Variants in BLM observed in about 807,000 individuals in gnomAD.
BLM encodes the protein BLM RecQ like helicase.
A neutral mutation model predicts 135.3 loss-of-function variants in BLM; 95 were observed. The ratio of observed to expected loss-of-function variants is 0.70; its 90% CI spans 0.59 to 0.83. The LOEUF (loss-of-function observed/expected upper bound fraction) is 0.83, where lower values mean the gene tolerates loss of function less well. Among genes scored for constraint, BLM ranks in the 40% least tolerant of loss-of-function variants. The probability of loss-of-function intolerance (pLI) is 0.00; values close to 1 mark genes in which losing one functional copy is unlikely to be tolerated. For synonymous variants in BLM, 520 were observed against 589.2 expected (o/e 0.88, Z 1.70); for missense variants, 1,518 against 1,663.9 (o/e 0.91, Z 1.53).
At position 90,804,276 on chromosome 15, in the gene BLM, C is replaced by T. The variant is rs772506214; in HGVS notation, c.3668C>T (p.Thr1223Ile). ...GTTAAAAAATGTCTTGGAGAACTTACAGAAGTCTGCAAATCTCTGGGGAAA... is the reference window on the plus strand; with the variant it reads ...GTTAAAAAATGTCTTGGAGAACTTATAGAAGTCTGCAAATCTCTGGGGAAA... The part of the protein sequence containing the change: ...EMVKKCLGEL[T>I]EVCKSLGKVF... The change falls in exon 19 of 22, where the codon ACA becomes ATA. Residue 1223 changes from threonine (T) to isoleucine (I), a missense_variant. By Grantham distance (89) the Thr-to-Ile change is moderately conservative (BLOSUM62 -1). Coordinates refer to ENST00000355112, the MANE Select transcript of BLM (RefSeq NM_000057.4). The T allele has an allele frequency of 6.2e-7, 1 of 1,614,064 alleles. No homozygotes were observed. The highest frequency in any genetic ancestry group is 8.5e-7 in the Non-Finnish European group (1 of 1,179,922).
At chr15:90,735,235 TAA>T (rs1491170534) in intron 1 of BLM, among the ~76,000 whole-genome samples, 11 of 56,346 alleles carry the variant, frequency 2.0e-4, no homozygotes, top group African/African-American at 3.3e-4. Flanking sequence ...GTGCCTAAGT[TAA>T]TATATATATA....
At chr15:90,725,667 A>ATTT (rs71154128) in intron 1 of BLM, among the ~76,000 whole-genome samples, 1 of 141,508 alleles carries the variant, frequency 7.1e-6, no homozygotes. Context: ...TGCCCGGCTA[A>ATTT]TTTTTTTTTT....
intron 16 of BLM, among the ~76,000 whole-genome samples, chr15:90,794,767 G>T (rs1252820710): frequency 2.0e-5 from 3 of 148,046 alleles, no homozygotes; most frequent in East Asian, 3.9e-4. Flanking sequence ...TATTAAAATT[G>T]ACGTATTAAT....
rs781396294 is a variant in BLM, at chr15:90,809,145, T to G, written c.3760T>G (p.Ser1254Ala). 12 of 1,614,210 alleles carry G rather than the reference T, an allele frequency of 7.4e-6. No individual in the cohort carries two copies. The highest frequency in any genetic ancestry group is 1.0e-5 in the Non-Finnish European group (12 of 1,180,002). Residue 1254 changes from serine (S) to alanine (A), a missense_variant, in exon 20 of 22, where the codon TCT becomes GCT. Ser to Ala is a moderately conservative substitution (Grantham distance 99, BLOSUM62 1). This residue lies in a region of BLM where 626 missense variants were observed against 681.1 expected (regional missense o/e 0.92). Transcript: ENST00000355112. ...VTLKKLAESLSSDPEVLLQID... is the reference protein window; with the variant it reads ...VTLKKLAESLASDPEVLLQID... Reference sequence around the variant, plus strand: ...TTTATGCCTTTGCACAGAATCTTTATCTTCTGATCCTGAGGTTTTGCTTCA... The same window carrying G: ...TTTATGCCTTTGCACAGAATCTTTAGCTTCTGATCCTGAGGTTTTGCTTCA...
rs113326717 is a variant in BLM at position 90,744,928 on chromosome 15, T to C, written c.-4-2461T>C. Among the ~76,000 whole-genome samples, 735 of 151,722 alleles carry C rather than the reference T, an allele frequency of 4.8e-3. 7 individuals carry two copies. The highest frequency in any genetic ancestry group is 0.017 in the African/African-American group (711 of 41,354). On this transcript the variant is annotated intron_variant, in intron 1 of 21. Transcript: ENST00000355112. ...TTAGTGGGGCATGGTGGTGTGCACC[T>C]GTGGTCCAGCTGTGTGGGAGGGTGA...
chr15:90,804,684 C>T (rs1897248611), intron 19 of BLM, among the ~76,000 whole-genome samples: 1 of 152,080 alleles, frequency 6.6e-6, no homozygotes, highest in Non-Finnish European at 1.5e-5. Flanking sequence ...AGTCTGGTCT[C>T]GAACTCTTGG....
chr15:90,744,578 G>A (rs148933496), intron 1 of BLM, among the ~76,000 whole-genome samples: 2,353 of 151,898 alleles, frequency 0.015, 62 homozygotes, highest in African/African-American at 0.053. Context: ...CACCATATTG[G>A]CCAGGTTGGT....
Position 90,811,264 on chromosome 15 carries a change from G to A in BLM, c.3934G>A (p.Ala1312Thr), listed in dbSNP as rs527291754. The A allele has an allele frequency of 1.1e-5, 18 of 1,614,164 alleles. No individual in the cohort carries two copies. The highest frequency in any genetic ancestry group is 1.7e-4 in the Middle Eastern group (1 of 6,020). Residue 1312 changes from alanine to threonine, a missense_variant, in exon 21 of 22, where the codon GCT becomes ACT. By Grantham distance (58) the Ala-to-Thr change is moderately conservative. This residue lies in a region of BLM where 153 missense variants were observed against 173.4 expected (regional missense o/e 0.88). Transcript: ENST00000355112. Reference sequence around the variant, plus strand: ...CAGCAGAGGCCCCGGAAGAAGTGCCGCTGAGGAGCTCGACGAGGAAATACC... The same window carrying A: ...CAGCAGAGGCCCCGGAAGAAGTGCCACTGAGGAGCTCGACGAGGAAATACC... ...SSSRGPGRSA[A>T]EELDEEIPVS...
intron 20 of BLM, 91 bp from the exon 21 acceptor site, chr15:90,811,114 A>G: frequency 7.3e-7 from 1 of 1,361,590 alleles, no homozygotes; most frequent in Non-Finnish European, 1.0e-6. Flanking sequence ...ATCTGCTAAA[A>G]TGGGCCCCTG....
At chr15:90,756,724 G>A (rs1235193402) in intron 5 of BLM, among the ~76,000 whole-genome samples, 1 of 152,162 alleles carries the variant, frequency 6.6e-6, no homozygotes, top group Non-Finnish European at 1.5e-5. Flanking sequence ...TTCAGACCAT[G>A]TTTCTGTTCT....
chr15:90,809,010 C>G, intron 19 of BLM, 127 bp from the exon 20 acceptor site: 1 of 1,379,724 alleles, frequency 7.2e-7, no homozygotes. Flanking sequence ...CAAAATTGGC[C>G]TGTGTTCCCA....
At chr15:90,753,708 T>A (rs1313365671) in intron 4 of BLM, among the ~76,000 whole-genome samples, 2 of 152,226 alleles carry the variant, frequency 1.3e-5, no homozygotes, top group Admixed American at 1.3e-4. Context: ...ACCTCTGAAT[T>A]TCAGAAGTCA....
chr15:90,765,507 T>TA (rs1340000640), intron 9 of BLM, 93 bp downstream of exon 9: 47 of 1,049,646 alleles, frequency 4.5e-5, no homozygotes, highest in Non-Finnish European at 6.6e-5. Context: ...TCGTGATTTG[T>TA]AAAAAATAAA....
At chr15:90,746,750 A>C (rs1382079903) in intron 1 of BLM, among the ~76,000 whole-genome samples, 2 of 152,208 alleles carry the variant, frequency 1.3e-5, no homozygotes, top group Admixed American at 6.5e-5. Context: ...CTTTAGCCCC[A>C]GTAATTTTAA....
At chr15:90,773,475 A>G (rs1418669711) in intron 12 of BLM, among the ~76,000 whole-genome samples, 4 of 149,220 alleles carry the variant, frequency 2.7e-5, no homozygotes, top group African/African-American at 9.9e-5. Flanking sequence ...AAATTTACAT[A>G]CCATAAAATT....
Position 90,780,964 on chromosome 15 carries a change from G to A in BLM, c.2556-1858G>A, listed in dbSNP as rs142180062. Among the ~76,000 whole-genome samples, 715 of 152,318 alleles carry A rather than the reference G, an allele frequency of 4.7e-3. 6 individuals carry two copies. The highest frequency in any genetic ancestry group is 0.016 in the African/African-American group (681 of 41,562). On this transcript the variant is annotated intron_variant, in intron 12 of 21. Coordinates refer to ENST00000355112, the MANE Select transcript of BLM (RefSeq NM_000057.4). ...TCCTTGGATTTAGGTATCCGAGGAGGCCCTAGAACCAATCCCCCATGGGAA... is the reference window on the plus strand; with the variant it reads ...TCCTTGGATTTAGGTATCCGAGGAGACCCTAGAACCAATCCCCCATGGGAA...
chr15:90,750,628 C>G (rs1895656245), intron 3 of BLM, among the ~76,000 whole-genome samples: 1 of 152,170 alleles, frequency 6.6e-6, no homozygotes, highest in Admixed American at 6.5e-5. Context: ...ATTCACCTCT[C>G]TTCATCTCAT....
rs1895697273 is a variant in BLM, at chr15:90,751,912, A to G, written c.925A>G (p.Ile309Val). Reference protein sequence around the residue: ...DFVPPSPEEIISASSSSSKCL... With the variant: ...DFVPPSPEEIVSASSSSSKCL... ...TGTTCCACCTTCTCCAGAAGAAATTATTTCTGCTTCTTCTTCCTCTTCAAA... is the reference window on the plus strand; with the variant it reads ...TGTTCCACCTTCTCCAGAAGAAATTGTTTCTGCTTCTTCTTCCTCTTCAAA... The change falls in exon 4 of 22, where the codon ATT becomes GTT. Residue 309 changes from isoleucine to valine, a missense_variant. Around this residue, in one of 5 missense-constraint regions of BLM, gnomAD observed 724 missense variants for 756.9 expected, o/e 0.96. Coordinates refer to ENST00000355112, the MANE Select transcript of BLM (RefSeq NM_000057.4). 2 of 1,612,852 alleles carry G rather than the reference A, an allele frequency of 1.2e-6. No individual in the cohort carries two copies. Among genetic ancestry groups the G allele is most frequent in the Admixed American group, 1.7e-5 (1 of 59,996 alleles).
intron 1 of BLM, among the ~76,000 whole-genome samples, chr15:90,736,979 A>G (rs1184750748): frequency 6.6e-6 from 1 of 152,250 alleles, no homozygotes; most frequent in Non-Finnish European, 1.5e-5. Context: ...TTTTAGAACT[A>G]TGTAAATGTT....
Sources: allele counts gnomAD v4.1 joint callset (sites outside exome capture counted in the v4.1 genomes callset), GRCh38; gene constraint gnomAD v4.1.1; regional missense constraint gnomAD v4.1.1; transcripts MANE v1.5; gene names NCBI Gene and HGNC (gene_info 2026-07-23, HGNC 2026-07-21).